The following FBXL7 variants were observed in gnomAD, a reference collection of about 807,000 sequenced individuals.
FBXL7 encodes the protein F-box/LRR-repeat protein 7.
In FBXL7, 12 loss-of-function variants were observed where a neutral mutation model predicts 38.3. The observed-to-expected ratio is 0.31, with a 90% CI of 0.20 to 0.51. The LOEUF (loss-of-function observed/expected upper bound fraction) is 0.51, where lower values mean the gene tolerates loss of function less well. Among genes scored for constraint, FBXL7 ranks in the 20% least tolerant of loss-of-function variants. FBXL7 has a pLI of 0.98. For synonymous variants in FBXL7, 297 were observed against 300.9 expected, an observed-to-expected ratio of 0.99 and a Z score of 0.13; for missense variants, 567 against 676.4, an observed-to-expected ratio of 0.84 and a Z score of 1.79.
At chr5:15,776,494 G>T (rs988748956) in intron 2 of FBXL7, among the ~76,000 whole-genome samples, 3 of 152,096 alleles carry the variant, frequency 2.0e-5, no homozygotes, top group Admixed American at 6.6e-5. Flanking sequence ...TGCTTGATAA[G>T]GGCTTTTGCC....
rs577724607 is a variant in FBXL7, at chr5:15,540,152, C to A, written c.37+39439C>A. ...GCTCATGAGTCAGGGTTGTGGTTAA[C>A]CTTCTGTTCTTGTCCCTCTAATCAA... On this transcript the variant is annotated intron_variant, in intron 1 of 3. Coordinates refer to ENST00000504595, the MANE Select transcript of FBXL7 (RefSeq NM_012304.5). Among the ~76,000 whole-genome samples the A allele has an allele frequency of 4.6e-5, 7 of 152,262 alleles. 1 individual carries two copies. The South Asian group carries it at 1.4e-3, about 32-fold the overall frequency.
intron 2 of FBXL7, among the ~76,000 whole-genome samples, chr5:15,796,567 G>C (rs2126736555): frequency 6.6e-6 from 1 of 152,252 alleles, no homozygotes; most frequent in African/African-American, 2.4e-5. Flanking sequence ...CAAAATGAAA[G>C]TAAAATCCTG....
At chr5:15,626,502 G>T (rs1024415738) in intron 2 of FBXL7, among the ~76,000 whole-genome samples, 5 of 151,728 alleles carry the variant, frequency 3.3e-5, no homozygotes, top group Non-Finnish European at 7.4e-5. Context: ...CATCCAGAAT[G>T]ACCAGAATAT....
chr5:15,500,747 C>G (rs1410077861), intron 1 of FBXL7, 34 bp downstream of exon 1: 6 of 1,599,876 alleles, frequency 3.8e-6, no homozygotes, highest in Non-Finnish European at 5.1e-6. Context: ...ACTCCCGGAT[C>G]GCGTCCCTCC....
At chr5:15,593,837 T>C (rs1265196545) in intron 1 of FBXL7, among the ~76,000 whole-genome samples, 2 of 152,162 alleles carry the variant, frequency 1.3e-5, no homozygotes, top group South Asian at 2.1e-4. Flanking sequence ...AAAAATTCAG[T>C]GTATGTAACT....
intron 2 of FBXL7, among the ~76,000 whole-genome samples, chr5:15,916,412 A>T (rs1399866348): frequency 2.6e-5 from 4 of 152,174 alleles, no homozygotes; most frequent in African/African-American, 9.7e-5. Flanking sequence ...TTGGGGAGTC[A>T]TTAGCTTATA....
chr5:15,533,555 C>G (rs1305165565), intron 1 of FBXL7, among the ~76,000 whole-genome samples: 1 of 152,066 alleles, frequency 6.6e-6, no homozygotes, highest in African/African-American at 2.4e-5. Context: ...TGAATCAATG[C>G]CTGTTATCCT....
chr5:15,883,559 G>T (rs377362671), intron 2 of FBXL7, among the ~76,000 whole-genome samples: 5 of 152,218 alleles, frequency 3.3e-5, no homozygotes, highest in East Asian at 1.9e-4. Context: ...CATTCTTCAG[G>T]TGGTGAAATA....
chr5:15,816,766 A>G (rs961804460), intron 2 of FBXL7, among the ~76,000 whole-genome samples: 1 of 152,198 alleles, frequency 6.6e-6, no homozygotes, highest in African/African-American at 2.4e-5. Context: ...AACTTTTTGT[A>G]ACTGTAAATT....
intron 2 of FBXL7, among the ~76,000 whole-genome samples, chr5:15,820,517 C>T (rs926780057): frequency 3.9e-5 from 6 of 152,192 alleles, no homozygotes; most frequent in Non-Finnish European, 7.3e-5. Flanking sequence ...AAGCCCCATG[C>T]AAGATGCCTC....
chr5:15,667,917 C>T (rs1159289865), intron 2 of FBXL7, among the ~76,000 whole-genome samples: 2 of 152,192 alleles, frequency 1.3e-5, no homozygotes, highest in African/African-American at 4.8e-5. Flanking sequence ...CCTTGAATCA[C>T]CTCTTTGATC....
intron 1 of FBXL7, among the ~76,000 whole-genome samples, chr5:15,527,437 A>G (rs1002398548): frequency 7.9e-5 from 12 of 152,212 alleles, no homozygotes; most frequent in African/African-American, 2.9e-4. Flanking sequence ...CGTTTTCAAT[A>G]TTATTATGCC....
intron 2 of FBXL7, among the ~76,000 whole-genome samples, chr5:15,697,275 G>T (rs1307649084): frequency 6.6e-6 from 1 of 152,042 alleles, no homozygotes; most frequent in African/African-American, 2.4e-5. Flanking sequence ...AGGAATAAGG[G>T]ATTATAAAAT....
intron 2 of FBXL7, among the ~76,000 whole-genome samples, chr5:15,872,852 A>G (rs147776574): frequency 4.6e-5 from 7 of 152,258 alleles, no homozygotes; most frequent in Admixed American, 2.6e-4. Flanking sequence ...ACACCCCACT[A>G]TCAATATTAG....
chr5:15,935,949 A>G (rs1430405374), intron 3 of FBXL7, among the ~76,000 whole-genome samples: 1 of 152,186 alleles, frequency 6.6e-6, no homozygotes. Context: ...AAACCAAGGT[A>G]CATGCCCGAG....
intron 1 of FBXL7, among the ~76,000 whole-genome samples, chr5:15,549,950 G>A (rs1474781507): frequency 1.3e-5 from 2 of 152,194 alleles, no homozygotes; most frequent in Non-Finnish European, 2.9e-5. Flanking sequence ...ACGTAGGCCT[G>A]CAGGCAGTCA....
intron 1 of FBXL7, among the ~76,000 whole-genome samples, chr5:15,568,771 G>A (rs549572746): frequency 6.6e-6 from 1 of 151,384 alleles, no homozygotes; most frequent in Non-Finnish European, 1.5e-5. Flanking sequence ...TTTGTATAAG[G>A]TGTAAGGAAG....
At chr5:15,615,197 A>G (rs1417262418) in intron 1 of FBXL7, among the ~76,000 whole-genome samples, 7 of 152,210 alleles carry the variant, frequency 4.6e-5, no homozygotes, top group African/African-American at 1.7e-4. Flanking sequence ...GATTATATTA[A>G]AGGTTAGAAG....
intron 2 of FBXL7, among the ~76,000 whole-genome samples, chr5:15,642,731 A>AG (rs1741408148): frequency 1.3e-5 from 2 of 152,192 alleles, no homozygotes; most frequent in Non-Finnish European, 1.5e-5. Context: ...CCAACGGGGA[A>AG]GCAGGGTAGG....
Sources: gnomAD v4.1 joint callset for allele counts (sites outside exome capture counted in the v4.1 genomes callset) on GRCh38, gnomAD v4.1.1 for gene constraint, MANE v1.5 for transcripts, NCBI Gene and HGNC (gene_info 2026-07-23, HGNC 2026-07-21) for gene names.